GPAM: variants seen among roughly 807,000 people sequenced by gnomAD.
The protein encoded by GPAM is glycerol-3-phosphate acyltransferase, mitochondrial.
A neutral mutation model predicts 105.0 loss-of-function variants in GPAM; 56 were observed. The observed-to-expected ratio is 0.53, with a 90% CI of 0.43 to 0.67. GPAM has a LOEUF of 0.67. GPAM is among the 30% of genes least tolerant of loss of function. The pLI is 0.00. For synonymous variants in GPAM, 368 were observed against 354.4 expected (o/e 1.04, Z -0.43); for missense variants, 855 against 989.8 (o/e 0.86, Z 1.83).
At chr10:112,201,822 G>A (rs932509750) in intron 1 of GPAM, among the ~76,000 whole-genome samples, 18 of 152,046 alleles carry the variant, frequency 1.2e-4, no homozygotes, top group Admixed American at 3.9e-4. Flanking sequence ...TAGTCACTGC[G>A]TAGTCCCCAG....
At position 112,168,380 on chromosome 10, in the gene GPAM, T is replaced by C. The variant is rs886396442; in HGVS notation, c.1039A>G (p.Ile347Val). ...DTLSTNVIPDILIIPVGISYD... is the reference protein window; with the variant it reads ...DTLSTNVIPDVLIIPVGISYD... The stretch of plus-strand genomic sequence containing the variant: ...GAGATTCCAACAGGTATTATCAAGA[T>C]GTCTGGGATGACATTGGTAGACAGA... The change falls in exon 11 of 22, where the codon ATC (isoleucine) becomes GTC (valine). Residue 347 changes from isoleucine to valine, a missense_variant. By Grantham distance (29) the Ile-to-Val change is conservative. Transcript: ENST00000348367. 9 of 1,611,146 alleles carry C rather than the reference T, an allele frequency of 5.6e-6. No homozygotes were observed. The highest frequency in any genetic ancestry group is 7.6e-6 in the Non-Finnish European group (9 of 1,177,376).
At chr10:112,177,718 T>G (rs1244292081) in intron 5 of GPAM, among the ~76,000 whole-genome samples, 1 of 152,226 alleles carries the variant, frequency 6.6e-6, no homozygotes, top group East Asian at 1.9e-4. Flanking sequence ...TTTGGCATAC[T>G]TCATATGCAA....
chr10:112,151,048 C>A lies in GPAM; in HGVS notation c.*2502G>T. On this transcript the variant is annotated 3_prime_UTR_variant, in exon 22 of 22. Transcript: ENST00000348367. Reference sequence around the variant, plus strand: ...TCAGAGTGCACAACTTCCCTCCTCTCTTCTGAATCACTTAGGACATTCTCA... The same window carrying A: ...TCAGAGTGCACAACTTCCCTCCTCTATTCTGAATCACTTAGGACATTCTCA... The A allele has an allele frequency of 1.0e-6, 1 of 985,502 alleles. No individual in the cohort carries two copies. Among genetic ancestry groups the A allele is most frequent in the Non-Finnish European group, 1.2e-6 (1 of 829,712 alleles). The allele number at this position is 985,502 out of a possible 1,614,324, so 61.0% of individuals were successfully genotyped here. A position where few individuals can be genotyped will look rare whatever the true frequency, so the allele number is the denominator to read the frequency against.
At chr10:112,203,234 G>A (rs969167941) in intron 1 of GPAM, among the ~76,000 whole-genome samples, 3 of 152,182 alleles carry the variant, frequency 2.0e-5, no homozygotes, top group African/African-American at 7.2e-5. Flanking sequence ...GAAAGTATTA[G>A]ACAAAATATT....
chr10:112,200,026 A>G (rs2133293065), intron 1 of GPAM, among the ~76,000 whole-genome samples: 1 of 152,078 alleles, frequency 6.6e-6, no homozygotes, highest in Non-Finnish European at 1.5e-5. Flanking sequence ...TCAAAAAAGA[A>G]TCACTGTATG....
chr10:112,212,395 TG>T (rs1259919640), intron 1 of GPAM, among the ~76,000 whole-genome samples: 5 of 152,238 alleles, frequency 3.3e-5, no homozygotes, highest in African/African-American at 9.6e-5. Flanking sequence ...CCCGAGTAGC[TG>T]GGACTACAGG....
At chr10:112,166,055 C>G (rs1847210954) in intron 12 of GPAM, among the ~76,000 whole-genome samples, 1 of 151,984 alleles carries the variant, frequency 6.6e-6, no homozygotes, top group South Asian at 2.1e-4. Context: ...TTGAAATATA[C>G]AATAAATTAC....
At chr10:112,182,006 T>C (rs1453037802) in intron 2 of GPAM, among the ~76,000 whole-genome samples, 193 bp from the exon 3 acceptor site, 1 of 150,250 alleles carries the variant, frequency 6.7e-6, no homozygotes, top group Non-Finnish European at 1.5e-5. Flanking sequence ...CTTCCCTGAC[T>C]AGAAAAAAAA....
At chr10:112,158,451 C>A in intron 17 of GPAM, 58 bp from the exon 18 acceptor site, 1 of 1,081,964 alleles carries the variant, frequency 9.2e-7, no homozygotes, top group Admixed American at 1.7e-5. Context: ...TTTTTTTAAA[C>A]GCAGAAAACA....
intron 13 of GPAM, 44 bp downstream of exon 13, chr10:112,164,481 T>C (rs375802530): frequency 3.1e-6 from 3 of 960,840 alleles, no homozygotes; most frequent in Non-Finnish European, 5.1e-6. Context: ...AAATAACAGA[T>C]GTTTGGTAGC....
At position 112,151,581 on chromosome 10, in the gene GPAM, A is replaced by G. The variant is rs1211839491; in HGVS notation, c.*1969T>C. ...TACTTCTAGAAAACAAACCAACCAA[A>G]AGGGAAAATAATGCAAGAGAAGCCG... On this transcript the variant is annotated 3_prime_UTR_variant, in exon 22 of 22. Transcript: ENST00000348367. 2 of 985,780 alleles carry G rather than the reference A, an allele frequency of 2.0e-6. No homozygotes were observed. The highest frequency in any genetic ancestry group is 1.7e-5 in the African/African-American group (1 of 57,360). The allele number at this position is 985,780 out of a possible 1,614,324, so 61.1% of individuals were successfully genotyped here. A position where few individuals can be genotyped will look rare whatever the true frequency, so the allele number is the denominator to read the frequency against.
intron 1 of GPAM, among the ~76,000 whole-genome samples, chr10:112,211,535 G>T (rs557638398): frequency 1.3e-5 from 2 of 152,152 alleles, no homozygotes; most frequent in Non-Finnish European, 2.9e-5. Context: ...CCACCCCATC[G>T]AAACTAGGTC....
At position 112,173,786 on chromosome 10, in the gene GPAM, T is replaced by A; in HGVS notation, c.473A>T (p.Gln158Leu). The A allele has an allele frequency of 6.2e-7, 1 of 1,613,526 alleles. No homozygotes were observed. Among genetic ancestry groups the A allele is most frequent in the Admixed American group, 1.7e-5 (1 of 60,024 alleles). Residue 158 changes from glutamine to leucine, a missense_variant, in exon 7 of 22, where the codon CAG becomes CTG. By Grantham distance (113) the Gln-to-Leu change is moderately radical. Transcript: ENST00000348367. Reference sequence around the variant, plus strand: ...CACTTTGTTAACGGCTTTTGATTGCTGCTGGGCAGAACCATCAGGGTTTAA... The same window carrying A: ...CACTTTGTTAACGGCTTTTGATTGCAGCTGGGCAGAACCATCAGGGTTTAA... ...AELNPDGSAQ[Q>L]QSKAVNKVKK...
chr10:112,182,360 C>A lies in GPAM; in HGVS notation c.-30+434G>T, dbSNP rs917867268. On this transcript the variant is annotated intron_variant, in intron 2 of 21. Transcript: ENST00000348367. The stretch of plus-strand genomic sequence containing the variant: ...TTGTGATGTCCTAAAAGAACATTTT[C>A]ACTTTTAATACAAAGGTAATACAAA... Among the ~76,000 whole-genome samples, 5 of 152,244 alleles carry A rather than the reference C, an allele frequency of 3.3e-5. No homozygotes were observed. The East Asian group carries it at 9.6e-4, about 29-fold the overall frequency.
the GPAM span, among the ~76,000 whole-genome samples, chr10:112,221,996 C>T: frequency 1.9e-3 from 293 of 152,244 alleles, no homozygotes; most frequent in African/African-American, 6.9e-3. Flanking sequence ...TCAGAGATAC[C>T]TACCAAAATA....
At chr10:112,217,095 G>T (rs1168540074), upstream of GPAM, among the ~76,000 whole-genome samples, 3 of 152,164 alleles carry the variant, frequency 2.0e-5, no homozygotes, top group Admixed American at 6.6e-5. Flanking sequence ...GCCATGAGCA[G>T]AATGAATTTT....
At chr10:112,216,810 G>A (rs1564693997), upstream of GPAM, among the ~76,000 whole-genome samples, 1 of 151,862 alleles carries the variant, frequency 6.6e-6, no homozygotes. Context: ...TTTTACTAGA[G>A]ACGGGGTTTT....
the GPAM span, among the ~76,000 whole-genome samples, chr10:112,225,043 T>C: frequency 6.6e-6 from 1 of 152,252 alleles, no homozygotes; most frequent in East Asian, 1.9e-4. Flanking sequence ...CTTTGCCTGG[T>C]CAGGGCCGGC....
chr10:112,193,532 G>GC (rs1353861263), intron 1 of GPAM, among the ~76,000 whole-genome samples: 1 of 152,182 alleles, frequency 6.6e-6, no homozygotes, highest in Admixed American at 6.5e-5. Flanking sequence ...CCTCTCAATA[G>GC]CCCCATGGGT....
Sources: allele counts gnomAD v4.1 joint callset (sites outside exome capture counted in the v4.1 genomes callset), GRCh38; gene constraint gnomAD v4.1.1; transcripts MANE v1.5; gene names NCBI Gene and HGNC (gene_info 2026-07-23, HGNC 2026-07-21).